YAF2: variants seen among roughly 807,000 people sequenced by gnomAD.
YAF2 encodes YY1-associated factor 2.
A neutral mutation model predicts 20.1 loss-of-function variants in YAF2; 7 were observed. The observed-to-expected ratio is 0.35, with a 90% CI of 0.20 to 0.65. The LOEUF is 0.65. Ranked by LOEUF, YAF2 falls within the 30% of genes least tolerant of loss-of-function variation. YAF2 has a pLI of 0.69. For missense variants in YAF2, 151 were observed against 219.2 expected, an observed-to-expected ratio of 0.69 and a Z score of 1.96; for synonymous variants, 74 against 76.0, an observed-to-expected ratio of 0.97 and a Z score of 0.14.
chr12:42,228,193 A>G (rs1211621565), intron 2 of YAF2, among the ~76,000 whole-genome samples: 2 of 70,136 alleles, frequency 2.9e-5, no homozygotes, highest in African/African-American at 5.8e-5. Context: ...TCCGGGAGGG[A>G]GGTGGGGGGG....
At chr12:42,233,671 C>T (rs1224094896) in intron 2 of YAF2, 1 of 703,450 alleles carries the variant, frequency 1.4e-6, no homozygotes, top group Non-Finnish European at 1.7e-6. Context: ...ACCACCACAC[C>T]CAGCTAATTT....
intron 1 of YAF2, 43 bp from the exon 2 acceptor site, chr12:42,237,767 GC>G: frequency 7.2e-7 from 1 of 1,387,780 alleles, no homozygotes; most frequent in Non-Finnish European, 9.4e-7. Flanking sequence ...GGGGTCACCA[GC>G]AGGCCGCGCC....
At chr12:42,237,141 AG>A (rs1327750816) in intron 2 of YAF2, among the ~76,000 whole-genome samples, 1 of 152,252 alleles carries the variant, frequency 6.6e-6, no homozygotes. Flanking sequence ...AAGTACATGT[AG>A]AAAAATAAGT....
chr12:42,235,064 A>C (rs1413523419), intron 2 of YAF2: 13 of 985,402 alleles, frequency 1.3e-5, no homozygotes, highest in Non-Finnish European at 1.4e-5. Context: ...TAAAAAGAAA[A>C]AAGTTTTTCA....
intron 2 of YAF2, among the ~76,000 whole-genome samples, chr12:42,197,881 T>C (rs1034484345): frequency 6.6e-6 from 1 of 152,200 alleles, no homozygotes; most frequent in African/African-American, 2.4e-5. Flanking sequence ...TTCTAAACTG[T>C]CCCTCATCTA....
chr12:42,181,260 T>C (rs2066334834), intron 2 of YAF2, among the ~76,000 whole-genome samples: 2 of 152,260 alleles, frequency 1.3e-5, no homozygotes, highest in Admixed American at 6.5e-5. Flanking sequence ...GATGTTCATT[T>C]TAATGTGTGC....
intron 2 of YAF2, among the ~76,000 whole-genome samples, chr12:42,165,554 C>T (rs1265459122): frequency 1.3e-4 from 20 of 151,176 alleles, no homozygotes; most frequent in Admixed American, 1.3e-3. Flanking sequence ...AGCTCTGCCT[C>T]CTGGGTTCAC....
chr12:42,226,885 C>A (rs1265821637), intron 2 of YAF2, among the ~76,000 whole-genome samples: 1 of 149,978 alleles, frequency 6.7e-6, no homozygotes, highest in East Asian at 2.0e-4. Context: ...GGCTCGAAGG[C>A]GCCGCGGGCT....
chr12:42,203,450 A>G (rs955126643), intron 2 of YAF2, among the ~76,000 whole-genome samples: 9 of 151,762 alleles, frequency 5.9e-5, no homozygotes, highest in Non-Finnish European at 1.3e-4. Context: ...ATTGATAGAG[A>G]TATATCTGTC....
intron 2 of YAF2, among the ~76,000 whole-genome samples, chr12:42,171,355 G>T (rs946653157): frequency 3.9e-5 from 6 of 152,056 alleles, no homozygotes; most frequent in Non-Finnish European, 8.8e-5. Flanking sequence ...AGGCATAGTG[G>T]TGCATGCCTG....
rs372061648 is a variant in YAF2 at position 42,210,310 on chromosome 12, TG to T, written c.152+27288del. On this transcript the variant is annotated intron_variant, in intron 2 of 3. Transcript: ENST00000534854. ...AAACTCCTTCTCAAGGGACAAAATT[TG>T]GGGGGAAAAAAAATCTCAGGTTTGT... 8,009 of 1,352,162 alleles carry T rather than the reference TG, an allele frequency of 5.9e-3. 54 individuals carry two copies. The highest frequency in any genetic ancestry group is 0.04 in the Middle Eastern group (182 of 4,508). 83.8% of individuals were successfully genotyped at this position (1,352,162 alleles called of 1,614,324 possible).
Position 42,157,780 on chromosome 12 carries a change from A to G in YAF2, c.*2809T>C, listed in dbSNP as rs2065733120. On this transcript the variant is annotated 3_prime_UTR_variant, in exon 4 of 4. Coordinates refer to ENST00000534854, the MANE Select transcript of YAF2 (RefSeq NM_005748.6). ...AATTATATTCACTTTTTAAATATAC[A>G]TATATATATATATGTATATTCAAAT... 2 of 123,228 alleles carry G rather than the reference A, an allele frequency of 1.6e-5. No homozygotes were observed. The highest frequency in any genetic ancestry group is 4.8e-4 in the South Asian group (2 of 4,168). 7.6% of individuals were successfully genotyped at this position (123,228 alleles called of 1,614,324 possible). A position where few individuals can be genotyped will look rare whatever the true frequency, so the allele number is the denominator to read the frequency against.
At position 42,217,276 on chromosome 12, in the gene YAF2, G is replaced by T. The variant is rs1309370231; in HGVS notation, c.152+20323C>A. On this transcript the variant is annotated intron_variant, in intron 2 of 3. Coordinates refer to ENST00000534854, the MANE Select transcript of YAF2 (RefSeq NM_005748.6). ...GGTATAATTTTTTTTATAAGAAAAT[G>T]GTTTTATTCCTAATTTTTAGTTCCC... 2.6e-5 allele frequency among the ~76,000 whole-genome samples: 4 copies of T among 152,016 alleles called. No individual in the cohort carries two copies. In the East Asian group the frequency reaches 7.7e-4, roughly 29 times the overall value.
chr12:42,210,226 C>G (rs2067167147), intron 2 of YAF2: 2 of 463,960 alleles, frequency 4.3e-6, no homozygotes, highest in African/African-American at 2.0e-5. Context: ...TTTCCATAAT[C>G]CATATCAAAT....
intron 2 of YAF2, chr12:42,234,455 C>T: frequency 2.0e-6 from 2 of 979,182 alleles, no homozygotes; most frequent in South Asian, 4.7e-5. Context: ...CCAATCCCAC[C>T]ACTCTGCAAT....
At chr12:42,234,127 C>A in intron 2 of YAF2, 1 of 857,616 alleles carries the variant, frequency 1.2e-6, no homozygotes, top group Non-Finnish European at 1.4e-6. Context: ...GCCGAGGTCA[C>A]GCCACTGTAC....
At chr12:42,228,053 C>T (rs1375387109) in intron 2 of YAF2, among the ~76,000 whole-genome samples, 1 of 118,922 alleles carries the variant, frequency 8.4e-6, no homozygotes, top group Non-Finnish European at 1.8e-5. Flanking sequence ...CCAGCCGCCC[C>T]GTCTGGGAGG....
At chr12:42,233,519 TTTG>T in intron 2 of YAF2, 1 of 977,838 alleles carries the variant, frequency 1.0e-6, no homozygotes, top group Non-Finnish European at 1.2e-6. Flanking sequence ...GACTCAGAAT[TTTG>T]TTTTTTTGAG....
intron 2 of YAF2, among the ~76,000 whole-genome samples, chr12:42,163,479 G>C (rs1234443368): frequency 6.6e-6 from 1 of 152,124 alleles, no homozygotes; most frequent in East Asian, 1.9e-4. Flanking sequence ...ACCTAGTGTT[G>C]TTTGTTGTTA....
Sources: allele counts gnomAD v4.1 joint callset (sites outside exome capture counted in the v4.1 genomes callset), GRCh38; gene constraint gnomAD v4.1.1; transcripts MANE v1.5; gene names NCBI Gene and HGNC (gene_info 2026-07-23, HGNC 2026-07-21).